Variants in DOCK3 observed in about 807,000 individuals in gnomAD.
DOCK3 encodes dedicator of cytokinesis protein 3.
DOCK3 carries 60 observed loss-of-function variants against 265.6 expected under a neutral mutation model. The ratio of observed to expected loss-of-function variants is 0.23; its 90% confidence interval spans 0.18 to 0.28. The LOEUF (loss-of-function observed/expected upper bound fraction) is 0.28. Ranked by LOEUF, DOCK3 falls within the 10% of genes least tolerant of loss-of-function variation. The pLI, the probability that DOCK3 is intolerant of heterozygous loss-of-function variation, is 1.00. For missense variants in DOCK3, 1,981 were observed against 2,594.3 expected (o/e 0.76, Z 5.14); for synonymous variants, 881 against 938.0 (o/e 0.94, Z 1.11).
chr3:51,003,849 G>A (rs1467707451), intron 5 of DOCK3, among the ~76,000 whole-genome samples: 3 of 152,134 alleles, frequency 2.0e-5, no homozygotes, highest in South Asian at 4.2e-4. Context: ...TGAGTTCTGG[G>A]TTTGTGGGGG....
intron 9 of DOCK3, among the ~76,000 whole-genome samples, chr3:51,108,874 A>C (rs2083398757): frequency 6.6e-6 from 1 of 152,204 alleles, no homozygotes; most frequent in African/African-American, 2.4e-5. Flanking sequence ...GGAGCACTCA[A>C]ATTCATAAAG....
chr3:50,904,952 A>T (rs147912610), intron 4 of DOCK3, among the ~76,000 whole-genome samples: 3,864 of 152,188 alleles, frequency 0.025, 222 homozygotes, highest in African/African-American at 0.089. Flanking sequence ...GGTGTAAGAA[A>T]GGGATCCAGT....
intron 9 of DOCK3, among the ~76,000 whole-genome samples, chr3:51,136,971 A>G (rs1464650513): frequency 1.3e-5 from 2 of 152,142 alleles, no homozygotes; most frequent in African/African-American, 2.4e-5. Flanking sequence ...CACTATGTAT[A>G]CATATGTAAC....
At chr3:50,778,859 C>A in intron 2 of DOCK3, 101 bp downstream of exon 2, 1 of 734,786 alleles carries the variant, frequency 1.4e-6, no homozygotes, top group Non-Finnish European at 2.1e-6. Flanking sequence ...ATTCTGGAGC[C>A]ATAATTAGTC....
At chr3:51,200,450 AGCG>A (rs1400945373) in intron 12 of DOCK3, among the ~76,000 whole-genome samples, 111 of 45,552 alleles carry the variant, frequency 2.4e-3, no homozygotes, top group African/African-American at 2.8e-3. Context: ...GATGAAATGA[AGCG>A]AGAAGGGAAG....
At chr3:51,085,014 G>A (rs192123841) in intron 7 of DOCK3, among the ~76,000 whole-genome samples, 180 of 152,142 alleles carry the variant, frequency 1.2e-3, no homozygotes, top group South Asian at 3.3e-3. Flanking sequence ...GAAACCTAAA[G>A]CATGCAATAA....
chr3:50,992,496 C>T (rs1341708280), intron 5 of DOCK3, among the ~76,000 whole-genome samples: 1 of 152,110 alleles, frequency 6.6e-6, no homozygotes, highest in African/African-American at 2.4e-5. Context: ...AGGGTTTCAC[C>T]ATGTTGGCTA....
Position 50,862,490 on chromosome 3 carries a change from A to C in DOCK3, c.162+20775A>C, listed in dbSNP as rs547464004. On this transcript the variant is annotated intron_variant, in intron 3 of 52. Coordinates refer to ENST00000266037, the MANE Select transcript of DOCK3 (RefSeq NM_004947.5). Reference sequence around the variant, plus strand: ...CTGCCTTGATGTGGGGTTGGTGGAAAGTGATCCTGTTGGAGTGTGCTTAAG... The same window carrying C: ...CTGCCTTGATGTGGGGTTGGTGGAACGTGATCCTGTTGGAGTGTGCTTAAG... 2.6e-5 allele frequency among the ~76,000 whole-genome samples: 4 copies of C among 151,960 alleles called. No individual in the cohort carries two copies. The South Asian group carries it at 8.3e-4, about 32-fold the overall frequency.
At chr3:51,325,657 C>T (rs894407910) in intron 32 of DOCK3, among the ~76,000 whole-genome samples, 1 of 152,130 alleles carries the variant, frequency 6.6e-6, no homozygotes. Flanking sequence ...GACTTGGAAC[C>T]AACCCAAATG....
At chr3:51,214,353 A>G in intron 14 of DOCK3, 106 bp downstream of exon 14, 1 of 1,449,826 alleles carries the variant, frequency 6.9e-7, no homozygotes, top group Non-Finnish European at 9.2e-7. Context: ...ACCTGCAGCT[A>G]TTAAAATCTC....
intron 3 of DOCK3, chr3:50,881,368 T>G (rs188328088): frequency 2.0e-5 from 3 of 151,430 alleles, no homozygotes; most frequent in African/African-American, 7.2e-5. Context: ...TGATTGTATA[T>G]TTAGAAATCT....
chr3:51,381,054 C>A lies in DOCK3; in HGVS notation c.5588C>A (p.Pro1863His). 1 of 1,594,470 alleles carries A rather than the reference C, an allele frequency of 6.3e-7. No homozygotes were observed. Among genetic ancestry groups the A allele is most frequent in the Non-Finnish European group, 8.6e-7 (1 of 1,168,060 alleles). The change falls in exon 53 of 53, where the codon CCT becomes CAT. Residue 1863 changes from proline (P) to histidine (H), a missense_variant. Physicochemically the swap from Pro to His is moderately conservative, Grantham distance 77. This residue lies in a region of DOCK3 where 1,357 missense variants were observed against 1,866.8 expected (regional missense o/e 0.73). Transcript: ENST00000266037. This position sits in a 1 kb window ranked among gnomAD's most constrained non-coding sequence, Gnocchi z 5.6. ...ALPARTLRKS[P>H]LHPIPASPTS... ...TGCCCACCCTTTCCTTCGCAGTCTC[C>A]TCTCCACCCTATCCCAGCCTCCCCC...
At chr3:51,244,834 C>G (rs1560273981) in intron 21 of DOCK3, among the ~76,000 whole-genome samples, 2 of 152,160 alleles carry the variant, frequency 1.3e-5, no homozygotes, top group Admixed American at 1.3e-4. Flanking sequence ...ATATTTCAGA[C>G]TATAGTTTGT....
At chr3:50,922,538 G>T (rs1416666214) in intron 4 of DOCK3, among the ~76,000 whole-genome samples, 1 of 152,194 alleles carries the variant, frequency 6.6e-6, no homozygotes, top group Non-Finnish European at 1.5e-5. Flanking sequence ...TTCGTGGGCT[G>T]CACCCACTGT....
At chr3:51,134,048 G>A (rs924098019) in intron 9 of DOCK3, among the ~76,000 whole-genome samples, 2 of 152,162 alleles carry the variant, frequency 1.3e-5, no homozygotes, top group Admixed American at 6.6e-5. Flanking sequence ...TTCTGTTTCT[G>A]CGTTAGTTTG....
At chr3:50,701,337 T>C (rs988555003) in intron 1 of DOCK3, among the ~76,000 whole-genome samples, 1 of 152,248 alleles carries the variant, frequency 6.6e-6, no homozygotes, top group Admixed American at 6.5e-5. Context: ...AGGTTGGTCT[T>C]GAACCTGTGG....
intron 35 of DOCK3, among the ~76,000 whole-genome samples, chr3:51,336,703 A>T (rs2084901841): frequency 6.6e-6 from 1 of 152,240 alleles, no homozygotes; most frequent in African/African-American, 2.4e-5. Flanking sequence ...TCAGCAGTGC[A>T]GAGGAGAAGC....
chr3:50,944,582 A>C (rs2076379217), intron 5 of DOCK3, among the ~76,000 whole-genome samples: 1 of 152,228 alleles, frequency 6.6e-6, no homozygotes, highest in Non-Finnish European at 1.5e-5. Flanking sequence ...TTTATTACCC[A>C]GAATCATCTT....
chr3:50,798,474 A>C (rs1203232288), intron 2 of DOCK3, among the ~76,000 whole-genome samples: 1 of 152,236 alleles, frequency 6.6e-6, no homozygotes, highest in Non-Finnish European at 1.5e-5. Context: ...TGGTCTTATT[A>C]GTGCCATCTC....
Sources: gnomAD v4.1 joint callset for allele counts (sites outside exome capture counted in the v4.1 genomes callset) on GRCh38, gnomAD v4.1.1 for gene constraint, gnomAD v4.1.1 regional missense constraint, Gnocchi (gnomAD v3.1) non-coding constraint, MANE v1.5 for transcripts, NCBI Gene and HGNC (gene_info 2026-07-23, HGNC 2026-07-21) for gene names.